The following PKNOX2 variants were observed in gnomAD, a reference collection of about 807,000 sequenced individuals.
PKNOX2 encodes the protein PBX/knotted 1 homeobox 2.
PKNOX2 carries 14 observed loss-of-function variants against 53.1 expected under a neutral mutation model. The ratio of observed to expected loss-of-function variants is 0.26; its 90% confidence interval spans 0.17 to 0.41. The LOEUF is 0.41. Ranked by LOEUF, PKNOX2 falls within the 10% of genes least tolerant of loss-of-function variation. The pLI is 1.00. For missense variants in PKNOX2, 496 were observed against 602.8 expected (o/e 0.82, Z 1.85); for synonymous variants, 257 against 242.8 (o/e 1.06, Z -0.54).
intron 2 of PKNOX2, among the ~76,000 whole-genome samples, chr11:125,236,582 T>A (rs1942718957): frequency 1.3e-5 from 2 of 152,214 alleles, no homozygotes; most frequent in African/African-American, 2.4e-5. Flanking sequence ...GCCGGGCACC[T>A]GGCTCTGGCC....
rs555805229 is a variant in PKNOX2, at chr11:125,230,057, G to A, written c.-200-4988G>A. Among the ~76,000 whole-genome samples the A allele has an allele frequency of 3.9e-5, 6 of 152,376 alleles. No individual in the cohort carries two copies. In the South Asian group the frequency reaches 1.2e-3, roughly 32 times the overall value. Reference sequence around the variant, plus strand: ...TGACAGGTCCAGGCCCAAGAGTCGAGGCTTGGCCTGGGCAGGGCCTGAGGG... The same window carrying A: ...TGACAGGTCCAGGCCCAAGAGTCGAAGCTTGGCCTGGGCAGGGCCTGAGGG... On this transcript the variant is annotated intron_variant, in intron 1 of 12. Coordinates refer to ENST00000298282, the MANE Select transcript of PKNOX2 (RefSeq NM_001382323.2).
At chr11:125,176,905 C>T (rs753140664) in intron 1 of PKNOX2, among the ~76,000 whole-genome samples, 1 of 152,214 alleles carries the variant, frequency 6.6e-6, no homozygotes, top group Non-Finnish European at 1.5e-5. Context: ...TCCTATGCTC[C>T]TTGAGGACAG....
chr11:125,278,152 GA>G (rs1946306474), intron 2 of PKNOX2, among the ~76,000 whole-genome samples: 1 of 151,798 alleles, frequency 6.6e-6, no homozygotes, highest in Non-Finnish European at 1.5e-5. Context: ...CTAGGAGGTG[GA>G]GGCTGCAGTG....
chr11:125,306,517 A>G (rs1016022627), intron 2 of PKNOX2, among the ~76,000 whole-genome samples: 2 of 152,184 alleles, frequency 1.3e-5, no homozygotes, highest in African/African-American at 4.8e-5. Context: ...AGTTCATAAA[A>G]ATGTTATGTC....
At chr11:125,322,132 AG>A (rs1330064136) in intron 2 of PKNOX2, among the ~76,000 whole-genome samples, 3 of 152,072 alleles carry the variant, frequency 2.0e-5, no homozygotes, top group Admixed American at 2.0e-4. Flanking sequence ...CTTGAAGGAG[AG>A]TCATAGGCTA....
chr11:125,273,426 G>A (rs780908895), intron 2 of PKNOX2, among the ~76,000 whole-genome samples: 3 of 152,210 alleles, frequency 2.0e-5, no homozygotes, highest in African/African-American at 4.8e-5. Context: ...GGGTCAGAGC[G>A]AGGGCTCTGG....
intron 2 of PKNOX2, chr11:125,239,789 G>A (rs1001248795): frequency 6.6e-6 from 1 of 152,276 alleles, no homozygotes; most frequent in Non-Finnish European, 1.5e-5. Context: ...AGCCAGCTCC[G>A]TGGCCCCAGC....
At chr11:125,189,387 G>GTATATATATA (rs1382250084) in intron 1 of PKNOX2, among the ~76,000 whole-genome samples, 14 of 126,984 alleles carry the variant, frequency 1.1e-4, no homozygotes, top group Admixed American at 8.2e-5. Context: ...ATATATGTGT[G>GTATATATATA]TATATATATA....
intron 4 of PKNOX2, 109 bp downstream of exon 4, chr11:125,351,501 C>T (rs957875566): frequency 2.8e-6 from 2 of 705,998 alleles, no homozygotes; most frequent in Non-Finnish European, 4.9e-6. Flanking sequence ...AGAGCCAGGC[C>T]TCCCGCAATC....
intron 1 of PKNOX2, among the ~76,000 whole-genome samples, chr11:125,186,207 G>A (rs1956439939): frequency 1.3e-5 from 2 of 152,124 alleles, no homozygotes; most frequent in South Asian, 4.1e-4. Flanking sequence ...GAAACAGCTA[G>A]TCGAATTCTA....
intron 2 of PKNOX2, among the ~76,000 whole-genome samples, chr11:125,282,142 C>T (rs970713002): frequency 1.7e-4 from 26 of 152,326 alleles, no homozygotes; most frequent in African/African-American, 6.0e-4. Context: ...CTTCAGAAGA[C>T]ACTTGGCAAA....
chr11:125,360,841 A>G (rs181332916), intron 4 of PKNOX2, among the ~76,000 whole-genome samples: 1 of 152,346 alleles, frequency 6.6e-6, no homozygotes, highest in African/African-American at 2.4e-5. Flanking sequence ...AACACCCTGT[A>G]CCTTGAGTAT....
chr11:125,324,864 G>C (rs1195814814), intron 2 of PKNOX2, among the ~76,000 whole-genome samples: 1 of 152,172 alleles, frequency 6.6e-6, no homozygotes, highest in Non-Finnish European at 1.5e-5. Context: ...GGCTTGGGGA[G>C]AGAGCAAGGA....
At chr11:125,381,136 T>C (rs1402832689) in intron 5 of PKNOX2, among the ~76,000 whole-genome samples, 3 of 152,032 alleles carry the variant, frequency 2.0e-5, no homozygotes, top group Non-Finnish European at 4.4e-5. Flanking sequence ...GTTTATCAAG[T>C]GGGCCAGGTG....
At chr11:125,382,982 C>A (rs1036536083) in intron 5 of PKNOX2, among the ~76,000 whole-genome samples, 1 of 152,136 alleles carries the variant, frequency 6.6e-6, no homozygotes, top group African/African-American at 2.4e-5. Flanking sequence ...TGGGGCCCAG[C>A]AGTTTAGGCA....
chr11:125,264,457 G>A (rs1395134939), intron 2 of PKNOX2, among the ~76,000 whole-genome samples: 1 of 152,124 alleles, frequency 6.6e-6, no homozygotes, highest in African/African-American at 2.4e-5. Context: ...TGAGGTCAGG[G>A]ATAGTGTCTC....
intron 10 of PKNOX2, among the ~76,000 whole-genome samples, chr11:125,412,698 A>T (rs1203291015): frequency 6.6e-6 from 1 of 152,140 alleles, no homozygotes; most frequent in African/African-American, 2.4e-5. Flanking sequence ...GGCTTCCATT[A>T]GTCTGCGAGC....
intron 1 of PKNOX2, among the ~76,000 whole-genome samples, chr11:125,175,278 A>G (rs1955634071): frequency 6.6e-6 from 1 of 151,526 alleles, no homozygotes; most frequent in South Asian, 2.1e-4. Flanking sequence ...GAGAGCTTCA[A>G]TCCCAGGCAG....
At chr11:125,213,180 G>T (rs1217190235) in intron 1 of PKNOX2, among the ~76,000 whole-genome samples, 1 of 151,972 alleles carries the variant, frequency 6.6e-6, no homozygotes, top group African/African-American at 2.4e-5. Flanking sequence ...ATCCTTTGTG[G>T]CGTCCCTTTG....
Sources: allele counts gnomAD v4.1 joint callset (sites outside exome capture counted in the v4.1 genomes callset), GRCh38; gene constraint gnomAD v4.1.1; transcripts MANE v1.5; gene names NCBI Gene and HGNC (gene_info 2026-07-23, HGNC 2026-07-21).